Variants in NCKAP5 observed in about 807,000 individuals in gnomAD.
The protein encoded by NCKAP5 is NCK associated protein 5.
NCKAP5 carries 92 observed loss-of-function variants against 167.0 expected under a neutral mutation model. The ratio of observed to expected loss-of-function variants is 0.55; its 90% CI spans 0.47 to 0.66. NCKAP5 has a LOEUF of 0.66. Among genes scored for constraint, NCKAP5 ranks in the 30% least tolerant of loss-of-function variants. The pLI is 0.00. For synonymous variants in NCKAP5, 891 were observed against 877.4 expected (o/e 1.02, Z -0.27); for missense variants, 2,378 against 2,315.0 (o/e 1.03, Z -0.56).
chr2:132,917,963 C>G (rs192029684), intron 8 of NCKAP5, among the ~76,000 whole-genome samples: 1 of 152,234 alleles, frequency 6.6e-6, no homozygotes, highest in East Asian at 1.9e-4. Context: ...GCAAGGGAAC[C>G]AAGAAGTATA....
chr2:133,407,886 G>C (rs768813461), intron 3 of NCKAP5, among the ~76,000 whole-genome samples: 5 of 152,186 alleles, frequency 3.3e-5, no homozygotes, highest in Non-Finnish European at 7.3e-5. Flanking sequence ...AGGGGACCAA[G>C]GTTAGCCAGC....
At chr2:133,668,243 C>T in the NCKAP5 span, among the ~76,000 whole-genome samples, 1 of 151,992 alleles carries the variant, frequency 6.6e-6, no homozygotes, top group East Asian at 1.9e-4. Flanking sequence ...CTATGAACAT[C>T]CATGTACAAG....
intron 2 of NCKAP5, chr2:133,557,994 G>A (rs1575156176): frequency 6.6e-6 from 1 of 152,180 alleles, no homozygotes. Flanking sequence ...ACGGCCTTGA[G>A]ACCATCTCAT....
chr2:133,434,390 G>A (rs1054589473), intron 3 of NCKAP5, among the ~76,000 whole-genome samples: 9 of 152,180 alleles, frequency 5.9e-5, no homozygotes, highest in East Asian at 1.9e-4. Flanking sequence ...CCTGGAGATC[G>A]TACTTGAGTC....
chr2:132,763,369 C>T (rs529031275), intron 16 of NCKAP5, among the ~76,000 whole-genome samples: 13 of 152,256 alleles, frequency 8.5e-5, no homozygotes, highest in Middle Eastern at 3.4e-3. Context: ...GTGTGCCATG[C>T]GCCTTCCAAT....
rs185301533 is a variant in NCKAP5, at chr2:133,544,244, A to G, written c.-62+14806T>C. Among the ~76,000 whole-genome samples the G allele has an allele frequency of 6.2e-3, 940 of 152,342 alleles. 26 individuals carry two copies. Among genetic ancestry groups the G allele is most frequent in the Admixed American group, 0.054 (826 of 15,298 alleles). On this transcript the variant is annotated intron_variant, in intron 2 of 19. Transcript: ENST00000409261. ...TCTCTTTTTCATTATTCCATGAAAC[A>G]TTCCTTCAGAATATTCTATTATTAA...
chr2:132,923,028 C>T (rs1695566510), intron 8 of NCKAP5, among the ~76,000 whole-genome samples: 2 of 152,188 alleles, frequency 1.3e-5, no homozygotes, highest in African/African-American at 4.8e-5. Context: ...TTTAGCATCT[C>T]CTTCATGCCA....
intron 3 of NCKAP5, among the ~76,000 whole-genome samples, chr2:133,396,331 T>A (rs1379068117): frequency 6.6e-6 from 1 of 152,014 alleles, no homozygotes; most frequent in African/African-American, 2.4e-5. Flanking sequence ...TGGCCTCAGC[T>A]CTCCCAGCCA....
the NCKAP5 span, among the ~76,000 whole-genome samples, chr2:133,625,745 C>G: frequency 0.14 from 20,802 of 151,288 alleles, 2,030 homozygotes; most frequent in African/African-American, 0.27. Context: ...GTGGCGGGCA[C>G]CTGTAGTCCC....
chr2:132,692,753 C>A (rs1337245271), intron 19 of NCKAP5, among the ~76,000 whole-genome samples: 1 of 152,194 alleles, frequency 6.6e-6, no homozygotes, highest in African/African-American at 2.4e-5. Context: ...AAAACCACTG[C>A]AAACCAAGGT....
At chr2:133,047,810 T>TA (rs1182854111) in intron 6 of NCKAP5, among the ~76,000 whole-genome samples, 1 of 152,204 alleles carries the variant, frequency 6.6e-6, no homozygotes, top group Non-Finnish European at 1.5e-5. Context: ...CCATTCTGAT[T>TA]AACCAGTAAT....
At chr2:132,959,415 G>A (rs1286060592) in intron 8 of NCKAP5, among the ~76,000 whole-genome samples, 1 of 152,154 alleles carries the variant, frequency 6.6e-6, no homozygotes, top group Non-Finnish European at 1.5e-5. Context: ...AGGACTCTCA[G>A]GTGGTGGCGG....
At chr2:133,249,129 T>G (rs1472679667) in intron 4 of NCKAP5, among the ~76,000 whole-genome samples, 1 of 152,074 alleles carries the variant, frequency 6.6e-6, no homozygotes, top group Non-Finnish European at 1.5e-5. Flanking sequence ...AGGTCTGCAT[T>G]CTCATCCAGA....
At chr2:133,580,436 T>C in the NCKAP5 span, among the ~76,000 whole-genome samples, 4 of 152,244 alleles carry the variant, frequency 2.6e-5, no homozygotes, top group Admixed American at 1.3e-4. Context: ...GAAGGGAAAA[T>C]AGCTATTTTC....
chr2:133,559,188 C>T (rs1687980378), intron 1 of NCKAP5, 71 bp from the exon 2 acceptor site: 1 of 151,952 alleles, frequency 6.6e-6, no homozygotes, highest in African/African-American at 2.4e-5. Context: ...ATATTAACCT[C>T]TTGGTACCTT....
intron 6 of NCKAP5, among the ~76,000 whole-genome samples, chr2:133,106,053 G>A (rs2081677983): frequency 6.6e-6 from 1 of 151,964 alleles, no homozygotes; most frequent in South Asian, 2.1e-4. Context: ...AAAACTTCTG[G>A]GAGGTCGAGG....
In NCKAP5 at chr2:133,474,155, T is replaced by TCTATCTATCTATACAC. The variant is rs1553649110; in HGVS notation, c.69+43302_69+43303insGTGTATAGATAGATAG. On this transcript the variant is annotated intron_variant, in intron 3 of 19. Coordinates refer to ENST00000409261, the MANE Select transcript of NCKAP5 (RefSeq NM_207363.3). ...ATCTATCTATCTATCTATCTATCTA[T>TCTATCTATCTATACAC]ACACACACACACACACACACACGTA... Among the ~76,000 whole-genome samples, 4 of 142,564 alleles carry TCTATCTATCTATACAC rather than the reference T, an allele frequency of 2.8e-5. No individual in the cohort carries two copies. In the South Asian group the frequency reaches 8.6e-4, roughly 31 times the overall value. 93.5% of individuals were successfully genotyped at this position (142,564 alleles called of 152,430 possible). A position where few individuals can be genotyped will look rare whatever the true frequency, so the allele number is the denominator to read the frequency against.
chr2:133,235,851 C>A (rs182455463), intron 4 of NCKAP5, among the ~76,000 whole-genome samples: 107 of 151,300 alleles, frequency 7.1e-4, no homozygotes, highest in Non-Finnish European at 1.2e-3. Context: ...TTGCAGTGAG[C>A]CGAGATTGTG....
intron 13 of NCKAP5, among the ~76,000 whole-genome samples, chr2:132,787,555 A>G (rs951208004): frequency 6.6e-6 from 1 of 152,126 alleles, no homozygotes; most frequent in South Asian, 2.1e-4. Flanking sequence ...GCTCACATCT[A>G]TGGCATTTTC....
Sources: gnomAD v4.1 joint callset for allele counts (sites outside exome capture counted in the v4.1 genomes callset) on GRCh38, gnomAD v4.1.1 for gene constraint, MANE v1.5 for transcripts, NCBI Gene and HGNC (gene_info 2026-07-23, HGNC 2026-07-21) for gene names.